COL8A1: variants seen among roughly 807,000 people sequenced by gnomAD.
COL8A1 encodes the protein collagen alpha-1(VIII) chain.
In COL8A1, 21 loss-of-function variants were observed where a neutral mutation model predicts 42.7. The ratio of observed to expected loss-of-function variants is 0.49; its 90% CI spans 0.35 to 0.71. The LOEUF is 0.71. Ranked by LOEUF, COL8A1 falls within the 30% of genes least tolerant of loss-of-function variation. The pLI, the probability that COL8A1 is intolerant of heterozygous loss-of-function variation, is 0.01. For synonymous variants in COL8A1, 367 were observed against 369.1 expected (o/e 0.99, Z 0.06); for missense variants, 788 against 962.4 (o/e 0.82, Z 2.40).
At chr3:99,734,418 A>G (rs1332245135) in intron 1 of COL8A1, among the ~76,000 whole-genome samples, 1 of 149,374 alleles carries the variant, frequency 6.7e-6, no homozygotes, top group Non-Finnish European at 1.5e-5. Context: ...TCCTTTCCCC[A>G]TTGCTTGTTT....
intron 1 of COL8A1, among the ~76,000 whole-genome samples, chr3:99,675,946 G>A (rs937371734): frequency 2.6e-5 from 4 of 152,026 alleles, no homozygotes; most frequent in Non-Finnish European, 4.4e-5. Flanking sequence ...TAATCTATGT[G>A]AAATGTCTTG....
At chr3:99,688,699 A>G (rs1280670137) in intron 1 of COL8A1, among the ~76,000 whole-genome samples, 1 of 152,192 alleles carries the variant, frequency 6.6e-6, no homozygotes, top group Non-Finnish European at 1.5e-5. Context: ...TCATCTCTGA[A>G]GGAAAATAAT....
intron 1 of COL8A1, among the ~76,000 whole-genome samples, chr3:99,692,405 A>G (rs1394929354): frequency 6.6e-6 from 1 of 152,246 alleles, no homozygotes; most frequent in Non-Finnish European, 1.5e-5. Flanking sequence ...TTTAATGGAC[A>G]TTTGTATATT....
chr3:99,704,876 G>C (rs1434353020), intron 1 of COL8A1, among the ~76,000 whole-genome samples: 1 of 152,092 alleles, frequency 6.6e-6, no homozygotes, highest in African/African-American at 2.4e-5. Flanking sequence ...GAGAGGAGAG[G>C]CTGAGCCAGG....
rs557877388 is a variant in COL8A1 at position 99,701,384 on chromosome 3, G to A, written c.-128-43513G>A. 1.1e-3 allele frequency among the ~76,000 whole-genome samples: 168 copies of A among 152,232 alleles called. 1 individual carries two copies. Among genetic ancestry groups the A allele is most frequent in the African/African-American group, 3.8e-3 (156 of 41,542 alleles). On this transcript the variant is annotated intron_variant, in intron 1 of 3. Coordinates refer to ENST00000652472, the MANE Select transcript of COL8A1 (RefSeq NM_020351.4). Reference sequence around the variant, plus strand: ...TGGTCACAGTACAAACTTTCCCTTAGAAAGCTTTACCCCTACACATAATGG... The same window carrying A: ...TGGTCACAGTACAAACTTTCCCTTAAAAAGCTTTACCCCTACACATAATGG...
Sources: gnomAD v4.1 joint callset for allele counts (sites outside exome capture counted in the v4.1 genomes callset) on GRCh38, gnomAD v4.1.1 for gene constraint, MANE v1.5 for transcripts, NCBI Gene and HGNC (gene_info 2026-07-23, HGNC 2026-07-21) for gene names.